Variants in PPP2R2A observed in about 807,000 individuals in gnomAD.
PPP2R2A encodes the protein protein phosphatase 2 regulatory subunit Balpha, also known as serine/threonine-protein phosphatase 2A 55 kDa regulatory subunit B alpha isoform.
In PPP2R2A, 9 loss-of-function variants were observed where a neutral mutation model predicts 53.2. The ratio of observed to expected loss-of-function variants is 0.17; its 90% CI spans 0.10 to 0.30. PPP2R2A has a LOEUF of 0.30. Ranked by LOEUF, PPP2R2A falls within the 10% of genes least tolerant of loss-of-function variation. The probability of loss-of-function intolerance (pLI) is 1.00; values close to 1 mark genes in which losing one functional copy is unlikely to be tolerated. For synonymous variants in PPP2R2A, 169 were observed against 174.2 expected (o/e 0.97, Z 0.23); for missense variants, 235 against 534.6 (o/e 0.44, Z 5.53).
chr8:26,371,372 T>A lies in PPP2R2A; in HGVS notation c.*959T>A, dbSNP rs968895676. On this transcript the variant is annotated 3_prime_UTR_variant, in exon 10 of 10. Transcript: ENST00000380737. ...TGCTACTAGTTTTTTTTTTTTTTTTTACCATCATGAGGGTATTGGATACAT... is the reference window on the plus strand; with the variant it reads ...TGCTACTAGTTTTTTTTTTTTTTTTAACCATCATGAGGGTATTGGATACAT... The A allele has an allele frequency of 1.3e-5, 2 of 149,974 alleles. No homozygotes were observed. Among genetic ancestry groups the A allele is most frequent in the Non-Finnish European group, 3.0e-5 (2 of 67,620 alleles). 9.3% of individuals were successfully genotyped at this position (149,974 alleles called of 1,614,324 possible).
intron 4 of PPP2R2A, among the ~76,000 whole-genome samples, chr8:26,358,003 A>G (rs996248307): frequency 4.6e-5 from 7 of 152,056 alleles, no homozygotes; most frequent in Non-Finnish European, 8.8e-5. Flanking sequence ...ACTGCTGTAG[A>G]ACATAAGGAT....
Position 26,333,637 on chromosome 8 carries a change from C to T in PPP2R2A, c.83-5253C>T, listed in dbSNP as rs150969990. On this transcript the variant is annotated intron_variant, in intron 2 of 9. Coordinates refer to ENST00000380737, the MANE Select transcript of PPP2R2A (RefSeq NM_002717.4). ...AATGGATAGTAATTATTTGTTACAC[C>T]CATTTATATATACTATTTGTGAATT... The T allele has an allele frequency of 1.5e-3, 1,115 of 724,824 alleles. 17 individuals are homozygous for T. In the Admixed American group the frequency reaches 0.03, roughly 19 times the overall value. 44.9% of individuals were successfully genotyped at this position (724,824 alleles called of 1,614,324 possible).
intron 3 of PPP2R2A, among the ~76,000 whole-genome samples, chr8:26,347,375 G>A (rs935581358): frequency 3.3e-5 from 5 of 150,732 alleles, no homozygotes; most frequent in African/African-American, 7.3e-5. Context: ...CACAGTTTTC[G>A]TGTGGGGTGT....
At chr8:26,336,321 T>C (rs1202650874) in intron 2 of PPP2R2A, among the ~76,000 whole-genome samples, 1 of 151,966 alleles carries the variant, frequency 6.6e-6, no homozygotes, top group Non-Finnish European at 1.5e-5. Context: ...CCCAGCTACT[T>C]GGGGAGCTGA....
rs61502218 is a variant in PPP2R2A at position 26,315,474 on chromosome 8, A to T, written c.82+21734A>T. The stretch of plus-strand genomic sequence containing the variant: ...AGCCTTTCATTTAATCTTGTTTTTA[A>T]TTTGACGCCTCACCACCAGCTTCCT... On this transcript the variant is annotated intron_variant, in intron 2 of 9. Coordinates refer to ENST00000380737, the MANE Select transcript of PPP2R2A (RefSeq NM_002717.4). 1.4e-3 allele frequency among the ~76,000 whole-genome samples: 215 copies of T among 152,204 alleles called. 7 individuals carry two copies. In the East Asian group the frequency reaches 0.036, roughly 26 times the overall value.
intron 2 of PPP2R2A, among the ~76,000 whole-genome samples, chr8:26,301,479 C>T (rs1324925292): frequency 6.6e-6 from 1 of 151,906 alleles, no homozygotes. Context: ...ACTACAGGCA[C>T]AGGCCACCAC....
intron 7 of PPP2R2A, chr8:26,363,444 T>G: frequency 3.8e-6 from 1 of 265,720 alleles, no homozygotes; most frequent in Admixed American, 5.1e-5. Flanking sequence ...CCAATAAACC[T>G]GGTGCACTGA....
At chr8:26,299,626 TATG>T (rs1460138442) in intron 2 of PPP2R2A, among the ~76,000 whole-genome samples, 5 of 152,162 alleles carry the variant, frequency 3.3e-5, no homozygotes, top group Non-Finnish European at 5.9e-5. Flanking sequence ...CAGTCCATAT[TATG>T]ATATCTCACA....
At chr8:26,297,762 T>A (rs1029122515) in intron 2 of PPP2R2A, among the ~76,000 whole-genome samples, 1 of 152,190 alleles carries the variant, frequency 6.6e-6, no homozygotes, top group African/African-American at 2.4e-5. Flanking sequence ...AAGAGCCTTA[T>A]GAGGATTTAG....
At chr8:26,343,574 A>G (rs1436639221) in intron 3 of PPP2R2A, among the ~76,000 whole-genome samples, 1 of 151,884 alleles carries the variant, frequency 6.6e-6, no homozygotes, top group Non-Finnish European at 1.5e-5. Context: ...TTTTCACCAT[A>G]TTGGCCAGGA....
chr8:26,296,234 G>T (rs1488559737), intron 2 of PPP2R2A, among the ~76,000 whole-genome samples: 1 of 152,152 alleles, frequency 6.6e-6, no homozygotes, highest in African/African-American at 2.4e-5. Context: ...TTCCTCATAA[G>T]TCTACAAGTG....
In PPP2R2A at chr8:26,360,413, G is replaced by T. The variant is rs1805019769; in HGVS notation, c.459+132G>T. 3 of 535,234 alleles carry T rather than the reference G, an allele frequency of 5.6e-6. No individual in the cohort carries two copies. The highest frequency in any genetic ancestry group is 9.7e-6 in the Non-Finnish European group (3 of 308,104). 33.2% of individuals were successfully genotyped at this position (535,234 alleles called of 1,614,324 possible). On this transcript the variant is annotated intron_variant, in intron 5 of 9. Coordinates refer to ENST00000380737, the MANE Select transcript of PPP2R2A (RefSeq NM_002717.4). The surrounding 1 kb of genome is among the most constrained non-coding windows in gnomAD (Gnocchi z 4.5). ...TCCCAGTAATTCTGTAATCAGGTAG[G>T]ACATTGAGTAACTCATTTAAACATA...
chr8:26,323,261 A>AAC (rs1462249114), intron 2 of PPP2R2A, among the ~76,000 whole-genome samples: 1 of 152,224 alleles, frequency 6.6e-6, no homozygotes, highest in African/African-American at 2.4e-5. Context: ...CTATGTAGAA[A>AAC]ACACACACAC....
chr8:26,337,047 C>T (rs1355481837), intron 2 of PPP2R2A, among the ~76,000 whole-genome samples: 1 of 152,006 alleles, frequency 6.6e-6, no homozygotes, highest in Non-Finnish European at 1.5e-5. Flanking sequence ...TAGGTGGATG[C>T]AACAACTTGG....
At chr8:26,350,391 G>A (rs1402195559) in intron 3 of PPP2R2A, among the ~76,000 whole-genome samples, 1 of 152,024 alleles carries the variant, frequency 6.6e-6, no homozygotes, top group African/African-American at 2.4e-5. Flanking sequence ...TTCACATTGA[G>A]ATTGAGTAGT....
intron 8 of PPP2R2A, among the ~76,000 whole-genome samples, chr8:26,364,931 C>T (rs746785325): frequency 6.6e-6 from 1 of 152,118 alleles, no homozygotes; most frequent in Non-Finnish European, 1.5e-5. Flanking sequence ...TTTGGGTATA[C>T]CTGGGGTTCT....
At chr8:26,346,173 C>G (rs777242017) in intron 3 of PPP2R2A, among the ~76,000 whole-genome samples, 10 of 151,122 alleles carry the variant, frequency 6.6e-5, no homozygotes, top group Non-Finnish European at 1.3e-4. Flanking sequence ...CAGAGTCTCA[C>G]TCTGTCACCC....
intron 1 of PPP2R2A, chr8:26,293,377 C>G: frequency 9.0e-7 from 1 of 1,105,998 alleles, no homozygotes; most frequent in Non-Finnish European, 1.3e-6. Flanking sequence ...GTAGGTCTTG[C>G]CTGAATGTAA....
intron 2 of PPP2R2A, among the ~76,000 whole-genome samples, chr8:26,337,424 C>G (rs935161952): frequency 1.3e-5 from 2 of 152,140 alleles, no homozygotes; most frequent in African/African-American, 4.8e-5. Context: ...AGATTTGATT[C>G]AATATTTTTT....
Sources: allele counts gnomAD v4.1 joint callset (sites outside exome capture counted in the v4.1 genomes callset), GRCh38; gene constraint gnomAD v4.1.1; non-coding constraint Gnocchi (gnomAD v3.1); transcripts MANE v1.5; gene names NCBI Gene and HGNC (gene_info 2026-07-23, HGNC 2026-07-21).